Variants in FRMD4B observed in about 807,000 individuals in gnomAD.
FRMD4B encodes the protein FERM domain-containing protein 4B.
Under a neutral mutation model 141.5 loss-of-function variants are expected in FRMD4B, and 74 were observed. The ratio of observed to expected loss-of-function variants is 0.52; its 90% confidence interval spans 0.43 to 0.63. The LOEUF (loss-of-function observed/expected upper bound fraction) is 0.63, where lower values mean the gene tolerates loss of function less well. Among genes scored for constraint, FRMD4B ranks in the 30% least tolerant of loss-of-function variants. The probability of loss-of-function intolerance (pLI) is 0.00; values close to 1 mark genes in which losing one functional copy is unlikely to be tolerated. For synonymous variants in FRMD4B, 506 were observed against 467.9 expected (o/e 1.08, Z -1.05); for missense variants, 1,366 against 1,253.4 (o/e 1.09, Z -1.36).
chr3:69,242,853 G>T (rs1481528417), intron 7 of FRMD4B, among the ~76,000 whole-genome samples: 1 of 151,770 alleles, frequency 6.6e-6, no homozygotes, highest in Non-Finnish European at 1.5e-5. Flanking sequence ...AATTAGCCGG[G>T]CGTGGTGGTG....
At chr3:69,272,562 C>G (rs1019674490) in intron 5 of FRMD4B, among the ~76,000 whole-genome samples, 1 of 152,212 alleles carries the variant, frequency 6.6e-6, no homozygotes, top group Non-Finnish European at 1.5e-5. Context: ...AGGATTAAAA[C>G]ACATACACTC....
intron 11 of FRMD4B, among the ~76,000 whole-genome samples, chr3:69,213,508 A>G: frequency 6.6e-6 from 1 of 152,150 alleles, no homozygotes; most frequent in Non-Finnish European, 1.5e-5. Flanking sequence ...CAGGAACAAT[A>G]GTACTTATAC....
chr3:69,349,841 C>T (rs377024346), intron 1 of FRMD4B, among the ~76,000 whole-genome samples: 10 of 152,158 alleles, frequency 6.6e-5, no homozygotes, highest in East Asian at 1.9e-4. Flanking sequence ...GATTAAAGAC[C>T]TAAATGTTAG....
intron 1 of FRMD4B, among the ~76,000 whole-genome samples, chr3:69,347,689 C>T (rs866138722): frequency 3.9e-5 from 6 of 152,228 alleles, no homozygotes; most frequent in Middle Eastern, 3.4e-3. Flanking sequence ...CACTCAAAAC[C>T]GCTCAACTAT....
intron 3 of FRMD4B, among the ~76,000 whole-genome samples, chr3:69,303,057 T>A (rs1290791720): frequency 2.1e-5 from 3 of 146,104 alleles, no homozygotes; most frequent in African/African-American, 7.4e-5. Flanking sequence ...CTGGGCAACA[T>A]CCCCTGTTAG....
chr3:69,536,674 T>C (rs1701091340), intron 1 of FRMD4B: 1 of 792,434 alleles, frequency 1.3e-6, no homozygotes, highest in African/African-American at 1.7e-5. Flanking sequence ...ATGTCACTGG[T>C]GACACTCCCA....
intron 1 of FRMD4B, among the ~76,000 whole-genome samples, chr3:69,335,518 C>T (rs187480459): frequency 4.6e-5 from 7 of 151,858 alleles, no homozygotes; most frequent in Admixed American, 1.3e-4. Context: ...ATTACAGGCA[C>T]GCACCACCAT....
At chr3:69,271,557 A>C (rs1290839075) in intron 5 of FRMD4B, among the ~76,000 whole-genome samples, 2 of 150,390 alleles carry the variant, frequency 1.3e-5, no homozygotes, top group Non-Finnish European at 3.0e-5. Flanking sequence ...TGCACAAGGC[A>C]GTATATATCT....
intron 7 of FRMD4B, among the ~76,000 whole-genome samples, chr3:69,244,498 G>A (rs1244043869): frequency 1.3e-5 from 2 of 152,176 alleles, no homozygotes; most frequent in African/African-American, 4.8e-5. Context: ...TTGAGACACA[G>A]TCTCAATGCC....
chr3:69,211,432 C>A (rs1219207566), intron 11 of FRMD4B, among the ~76,000 whole-genome samples: 1 of 152,116 alleles, frequency 6.6e-6, no homozygotes, highest in Non-Finnish European at 1.5e-5. Flanking sequence ...AAAAAAAAGC[C>A]ATATAAATAA....
intron 1 of FRMD4B, among the ~76,000 whole-genome samples, chr3:69,375,684 T>A (rs1338003786): frequency 6.6e-6 from 1 of 152,012 alleles, no homozygotes; most frequent in Non-Finnish European, 1.5e-5. Context: ...AGCAGCAAAT[T>A]TGTGGCCAGA....
At chr3:69,190,231 C>T (rs954646763) in intron 17 of FRMD4B, among the ~76,000 whole-genome samples, 5 of 152,104 alleles carry the variant, frequency 3.3e-5, no homozygotes, top group African/African-American at 1.2e-4. Context: ...GTTTCTTCTA[C>T]ACTGGAATAA....
At chr3:69,338,547 C>T (rs1409681842) in intron 1 of FRMD4B, among the ~76,000 whole-genome samples, 2 of 151,096 alleles carry the variant, frequency 1.3e-5, no homozygotes, top group Non-Finnish European at 2.9e-5. Flanking sequence ...ATGAATGGAG[C>T]TGGAGGTCAT....
intron 1 of FRMD4B, among the ~76,000 whole-genome samples, chr3:69,437,844 T>C (rs1186719755): frequency 2.3e-5 from 3 of 129,504 alleles, no homozygotes; most frequent in Non-Finnish European, 4.6e-5. Flanking sequence ...ATATATAGTA[T>C]ATATACTATA....
intron 11 of FRMD4B, among the ~76,000 whole-genome samples, chr3:69,203,341 A>AAG (rs768023621): frequency 0.044 from 3,369 of 76,962 alleles, 75 homozygotes; most frequent in Non-Finnish European, 0.062. Context: ...AAAAAAAAAA[A>AAG]AAAGAAAGAA....
At chr3:69,266,260 G>A (rs1204039421) in intron 5 of FRMD4B, among the ~76,000 whole-genome samples, 1 of 152,044 alleles carries the variant, frequency 6.6e-6, no homozygotes, top group Non-Finnish European at 1.5e-5. Context: ...CACAGGATGT[G>A]ACTTAAAGAG....
At chr3:69,178,383 T>C (rs1474362929) in intron 21 of FRMD4B, among the ~76,000 whole-genome samples, 1 of 152,062 alleles carries the variant, frequency 6.6e-6, no homozygotes, top group Non-Finnish European at 1.5e-5. Context: ...GTGGTTAAGA[T>C]GTTAGAGCTG....
intron 4 of FRMD4B, among the ~76,000 whole-genome samples, chr3:69,295,821 C>CT (rs1455361299): frequency 4.6e-5 from 7 of 151,312 alleles, no homozygotes; most frequent in South Asian, 2.1e-4. Flanking sequence ...TTCTTTCTTT[C>CT]TTTTTTTCTT....
At chr3:69,525,077 C>A (rs1700912315) in intron 1 of FRMD4B, among the ~76,000 whole-genome samples, 1 of 152,170 alleles carries the variant, frequency 6.6e-6, no homozygotes, top group African/African-American at 2.4e-5. Context: ...CCCAAAACTG[C>A]AACTGGGGCA....
Sources: allele counts gnomAD v4.1 joint callset (sites outside exome capture counted in the v4.1 genomes callset), GRCh38; gene constraint gnomAD v4.1.1; transcripts MANE v1.5; gene names NCBI Gene and HGNC (gene_info 2026-07-23, HGNC 2026-07-21).